WNT10B: variants seen among roughly 807,000 people sequenced by gnomAD.
WNT10B encodes protein Wnt-10b.
In WNT10B, 26 loss-of-function variants were observed where a neutral mutation model predicts 32.7. That is an observed-to-expected ratio of 0.79 (90% CI 0.58 to 1.10). The LOEUF (loss-of-function observed/expected upper bound fraction) is 1.10. WNT10B is among the 50% of genes least tolerant of loss of function. The probability of loss-of-function intolerance (pLI) is 0.00; values close to 1 mark genes in which losing one functional copy is unlikely to be tolerated. For synonymous variants in WNT10B, 204 were observed against 220.4 expected (o/e 0.93, Z 0.66); for missense variants, 474 against 532.5 (o/e 0.89, Z 1.08).
intron 4 of WNT10B, among the ~76,000 whole-genome samples, chr12:48,966,798 A>G (rs1401195798): frequency 1.3e-5 from 2 of 152,256 alleles, no homozygotes; most frequent in African/African-American, 2.4e-5. Context: ...TAATAGAGCC[A>G]AGACTCAACT....
At position 48,966,176 on chromosome 12, in the gene WNT10B, G is replaced by A. The variant is rs1285365508; in HGVS notation, c.1089C>T (p.Arg363=). The change falls in exon 5 of 5, where the codon CGC becomes CGT. Residue 363 remains arginine, a synonymous_variant. Transcript: ENST00000301061. Reference sequence around the variant, plus strand: ...AGCACCAGTGGAAGCGGCAATGGCAGCGCTCAACTCGTGTCTGCCGGAGCA... The same window carrying A: ...AGCACCAGTGGAAGCGGCAATGGCAACGCTCAACTCGTGTCTGCCGGAGCA... ...HNVLRQTRVE[R]CHCRFHWCCY... 1.9e-6 allele frequency: 3 copies of A among 1,613,526 alleles called. No homozygotes were observed. Among genetic ancestry groups the A allele is most frequent in the Non-Finnish European group, 2.5e-6 (3 of 1,179,914 alleles).
At chr12:48,967,366 A>G (rs1459005171) in intron 4 of WNT10B, among the ~76,000 whole-genome samples, 13 of 151,954 alleles carry the variant, frequency 8.6e-5, no homozygotes, top group Admixed American at 8.5e-4. Flanking sequence ...AGGGTTTCCC[A>G]CGTTAGCCAG....
In WNT10B at chr12:48,968,319, C is replaced by G; in HGVS notation, c.338G>C (p.Gly113Ala). The G allele has an allele frequency of 1.2e-6, 2 of 1,600,230 alleles. No homozygotes were observed. The highest frequency in any genetic ancestry group is 2.2e-5 in the South Asian group (2 of 91,090). The change falls in exon 4 of 5, where the codon GGT becomes GCT. Residue 113 changes from glycine to alanine, a missense_variant and splice_region_variant. Gly to Ala is a moderately conservative substitution (Grantham distance 60). Transcript: ENST00000301061. ...LPHHSAILKR[G>A]FRESAFSFSM... ...GAAGGAAAAAGCACTTTCTCGGAAACCTGGGGATGAGAAGGGTGTGATGGT... is the reference window on the plus strand; with the variant it reads ...GAAGGAAAAAGCACTTTCTCGGAAAGCTGGGGATGAGAAGGGTGTGATGGT...
intron 3 of WNT10B, among the ~76,000 whole-genome samples, chr12:48,969,834 G>A (rs1940812595): frequency 1.3e-5 from 2 of 151,992 alleles, no homozygotes; most frequent in African/African-American, 4.8e-5. Flanking sequence ...GCTGAGCGGA[G>A]GCAGGAAAGG....
At chr12:48,969,924 G>C (rs979031903) in intron 3 of WNT10B, among the ~76,000 whole-genome samples, 165 bp downstream of exon 3, 1 of 150,492 alleles carries the variant, frequency 6.6e-6, no homozygotes, top group Non-Finnish European at 1.5e-5. Context: ...CAGGGGCCCA[G>C]ACGAGTGGCC....
rs1255610597 is a variant in WNT10B, at chr12:48,968,006, C to G, written c.651G>C (p.Arg217Ser). 1 of 1,614,128 alleles carries G rather than the reference C, an allele frequency of 6.2e-7. No individual in the cohort carries two copies. The highest frequency in any genetic ancestry group is 8.5e-7 in the Non-Finnish European group (1 of 1,180,046). ...EKFSRDFLDS[R>S]EAPRDIQARM... ...GTGCCTGGATGTCCCGGGGAGCTTC[C>G]CTGGAATCCAAGAAATCCCGAGAGA... The change falls in exon 4 of 5, where the codon AGG (arginine) becomes AGC (serine). Residue 217 changes from arginine to serine, a missense_variant. Arg to Ser is a moderately radical substitution (Grantham distance 110, BLOSUM62 -1). Coordinates refer to ENST00000301061, the MANE Select transcript of WNT10B (RefSeq NM_003394.4).
In WNT10B at chr12:48,966,417, A is replaced by C. The variant is rs1940734530; in HGVS notation, c.848T>G (p.Ile283Ser). ...AALRERLGRA[I>S]FIDTHNRNSG... is the part of the protein sequence containing the mutation. ...ATTGCGGTTGTGGGTATCAATGAAG[A>C]TGGCCCGGCCCAGCCGCTCCCTCAA... The change falls in exon 5 of 5, where the codon ATC becomes AGC. Residue 283 changes from isoleucine to serine, a missense_variant. Physicochemically the swap from Ile to Ser is moderately radical, Grantham distance 142. Transcript: ENST00000301061. The C allele has an allele frequency of 2.5e-6, 4 of 1,613,842 alleles. No individual in the cohort carries two copies. The South Asian group carries it at 4.4e-5, about 18-fold the overall frequency.
chr12:48,970,504 G>C lies in WNT10B; in HGVS notation c.26C>G (p.Pro9Arg), dbSNP rs1486498304. Reference sequence around the variant, plus strand: ...GAGACCCGCGAGGCCCGAGGGCGGAGGCCGCGGCCGGGGCTCCTCCAGCAT... The same window carrying C: ...GAGACCCGCGAGGCCCGAGGGCGGACGCCGCGGCCGGGGCTCCTCCAGCAT... MLEEPRPR[P>R]PPSGLAGLLF... The change falls in exon 2 of 5, where the codon CCT (proline) becomes CGT (arginine). Residue 9 changes from proline to arginine, a missense_variant. By Grantham distance (103) the Pro-to-Arg change is moderately radical. Coordinates refer to ENST00000301061, the MANE Select transcript of WNT10B (RefSeq NM_003394.4). The surrounding 1 kb of genome is among the most constrained non-coding windows in gnomAD (Gnocchi z 5.0). 5 of 1,595,626 alleles carry C rather than the reference G, an allele frequency of 3.1e-6. No individual in the cohort carries two copies. Among genetic ancestry groups the C allele is most frequent in the Non-Finnish European group, 3.4e-6 (4 of 1,171,504 alleles).
In WNT10B at chr12:48,965,796, A is replaced by C; in HGVS notation, c.*299T>G. On this transcript the variant is annotated 3_prime_UTR_variant, in exon 5 of 5. Coordinates refer to ENST00000301061, the MANE Select transcript of WNT10B (RefSeq NM_003394.4). ...GCCAAAAGGAGTATGAATCAGGGTTAAAGGGGCTCTGGAGTTGAGAAGTGG... is the reference window on the plus strand; with the variant it reads ...GCCAAAAGGAGTATGAATCAGGGTTCAAGGGGCTCTGGAGTTGAGAAGTGG... 2.3e-6 allele frequency: 1 copy of C among 435,206 alleles called. No homozygotes were observed. The highest frequency in any genetic ancestry group is 4.2e-6 in the Non-Finnish European group (1 of 235,550). 27.0% of individuals were successfully genotyped at this position (435,206 alleles called of 1,614,324 possible). A position where few individuals can be genotyped will look rare whatever the true frequency, so the allele number is the denominator to read the frequency against.
At position 48,966,368 on chromosome 12, in the gene WNT10B, C is replaced by G. The variant is rs2137610978; in HGVS notation, c.897G>C (p.Leu299=). ...GCTCTCCTGAGAGGCGACGGGGACG[C>G]AGACGGGGCTGGAAGGCTCCAGAAT... is the stretch of plus-strand genomic sequence containing the variant. ...NRNSGAFQPR[L]RPRRLSGELV... is the part of the protein sequence containing the mutation. Residue 299 remains leucine, a synonymous_variant, in exon 5 of 5, where the codon CTG becomes CTC. Coordinates refer to ENST00000301061, the MANE Select transcript of WNT10B (RefSeq NM_003394.4). The G allele has an allele frequency of 6.2e-7, 1 of 1,614,220 alleles. No individual in the cohort carries two copies. Among genetic ancestry groups the G allele is most frequent in the Non-Finnish European group, 8.5e-7 (1 of 1,180,042 alleles).
chr12:48,968,657 AG>A (rs1298138167), intron 3 of WNT10B, among the ~76,000 whole-genome samples: 1 of 152,114 alleles, frequency 6.6e-6, no homozygotes, highest in Non-Finnish European at 1.5e-5. Context: ...GATGACTAAG[AG>A]GGAGTCCCTG....
Position 48,970,683 on chromosome 12 carries a change from C to T in WNT10B, c.-40-114G>A. 1 of 723,270 alleles carries T rather than the reference C, an allele frequency of 1.4e-6. No homozygotes were observed. The highest frequency in any genetic ancestry group is 1.8e-5 in the South Asian group (1 of 55,152). The allele number at this position is 723,270 out of a possible 1,614,324, so 44.8% of individuals were successfully genotyped here. A position where few individuals can be genotyped will look rare whatever the true frequency, so the allele number is the denominator to read the frequency against. The stretch of plus-strand genomic sequence containing the variant: ...CCGGTGCCACCCTACTGACCCTTCT[C>T]ATTCCTCCTCAAACAAAACAAGAAG... On this transcript the variant is annotated intron_variant, in intron 1 of 4. Coordinates refer to ENST00000301061, the MANE Select transcript of WNT10B (RefSeq NM_003394.4). This position sits in a 1 kb window ranked among gnomAD's most constrained non-coding sequence, Gnocchi z 5.0.
At position 48,970,400 on chromosome 12, in the gene WNT10B, T is replaced by C. The variant is rs891760346; in HGVS notation, c.75-49A>G. 4 of 1,613,772 alleles carry C rather than the reference T, an allele frequency of 2.5e-6. No individual in the cohort carries two copies. Among genetic ancestry groups the C allele is most frequent in the Non-Finnish European group, 2.5e-6 (3 of 1,179,902 alleles). ...GGTCTGCGGTCCAGACCCCTCCAAC[T>C]CTCCCCACCCCGGGTCGGTGTTTCT... On this transcript the variant is annotated intron_variant, in intron 2 of 4. Transcript: ENST00000301061. The surrounding 1 kb of genome is among the most constrained non-coding windows in gnomAD (Gnocchi z 5.0).
rs1386107016 is a variant in WNT10B, at chr12:48,970,139, G to T, written c.287C>A (p.Ala96Glu). The T allele has an allele frequency of 1.1e-5, 17 of 1,535,620 alleles. No individual in the cohort carries two copies. Among genetic ancestry groups the T allele is most frequent in the Non-Finnish European group, 1.4e-5 (16 of 1,144,506 alleles). ...CGGCAGGCGGCCGCCGCCCTCAAGC[G>T]CGGAGCAGTTCCAGCGCTGGTCGCG... is the stretch of plus-strand genomic sequence containing the variant. The part of the protein sequence containing the change: ...QLRDQRWNCS[A>E]LEGGGRLPHH... Residue 96 changes from alanine to glutamate, a missense_variant, in exon 3 of 5, where the codon GCG (alanine) becomes GAG (glutamate). Coordinates refer to ENST00000301061, the MANE Select transcript of WNT10B (RefSeq NM_003394.4). The surrounding 1 kb of genome is among the most constrained non-coding windows in gnomAD (Gnocchi z 5.0).
At chr12:48,971,218 C>T (rs1167195362) in intron 1 of WNT10B, among the ~76,000 whole-genome samples, 3 of 152,218 alleles carry the variant, frequency 2.0e-5, no homozygotes, top group African/African-American at 7.2e-5. Flanking sequence ...ACAAGCTCCC[C>T]TCCTCCATAG....
Position 48,970,288 on chromosome 12 carries a change from G to A in WNT10B, c.138C>T (p.Thr46=). The A allele has an allele frequency of 6.2e-7, 1 of 1,613,984 alleles. No individual in the cohort carries two copies. Among genetic ancestry groups the A allele is most frequent in the Non-Finnish European group, 8.5e-7 (1 of 1,179,938 alleles). ...LPGEPPLTAN[T]VCLTLSGLSK... is the part of the protein sequence containing the mutation. ...TCAGGCCGGACAGCGTCAAGCACACGGTGTTGGCCGTCAGCGGCGGCTCGC... is the reference window on the plus strand; with the variant it reads ...TCAGGCCGGACAGCGTCAAGCACACAGTGTTGGCCGTCAGCGGCGGCTCGC... The change falls in exon 3 of 5, where the codon ACC becomes ACT. Residue 46 remains threonine (T), a synonymous_variant. Transcript: ENST00000301061. This position sits in a 1 kb window ranked among gnomAD's most constrained non-coding sequence, Gnocchi z 5.0.
At chr12:48,969,666 G>T (rs1275133693) in intron 3 of WNT10B, among the ~76,000 whole-genome samples, 1 of 152,092 alleles carries the variant, frequency 6.6e-6, no homozygotes, top group Non-Finnish European at 1.5e-5. Flanking sequence ...CCCTTAAACG[G>T]TTGGGGGCGT....
intron 4 of WNT10B, among the ~76,000 whole-genome samples, chr12:48,967,457 C>A (rs936578569): frequency 1.2e-4 from 19 of 152,058 alleles, no homozygotes; most frequent in Admixed American, 1.2e-3. Context: ...AGCCACTGCA[C>A]CCGGCCTAAT....
chr12:48,967,139 G>C (rs958075155), intron 4 of WNT10B, among the ~76,000 whole-genome samples: 6 of 144,048 alleles, frequency 4.2e-5, no homozygotes, highest in African/African-American at 1.3e-4. Context: ...TACAGGCGCA[G>C]GCCACCACGC....
Sources: gnomAD v4.1 joint callset for allele counts (sites outside exome capture counted in the v4.1 genomes callset) on GRCh38, gnomAD v4.1.1 for gene constraint, Gnocchi (gnomAD v3.1) non-coding constraint, MANE v1.5 for transcripts, NCBI Gene and HGNC (gene_info 2026-07-23, HGNC 2026-07-21) for gene names.